The following TPRG1 variants were observed in gnomAD, a reference collection of about 807,000 sequenced individuals.
The protein encoded by TPRG1 is tumor protein p63 regulated 1.
In TPRG1, 29 loss-of-function variants were observed where a neutral mutation model predicts 29.3. The ratio of observed to expected loss-of-function variants is 0.99; its 90% CI spans 0.74 to 1.35. The LOEUF (loss-of-function observed/expected upper bound fraction) is 1.35. Among genes scored for constraint, TPRG1 ranks in the 40% most tolerant of loss-of-function variants. The probability of loss-of-function intolerance (pLI) is 0.00; values close to 1 mark genes in which losing one functional copy is unlikely to be tolerated. For missense variants in TPRG1, 327 were observed against 335.0 expected (o/e 0.98, Z 0.19); for synonymous variants, 130 against 116.8 (o/e 1.11, Z -0.73).
intron 4 of TPRG1, among the ~76,000 whole-genome samples, chr3:189,150,246 G>A (rs1323613293): frequency 2.6e-5 from 4 of 152,278 alleles, no homozygotes; most frequent in East Asian, 1.9e-4. Flanking sequence ...GCAGTGGCAC[G>A]ATCTTGGCTC....
At chr3:189,275,366 T>C (rs1049239822) in intron 4 of TPRG1, among the ~76,000 whole-genome samples, 1 of 152,162 alleles carries the variant, frequency 6.6e-6, no homozygotes, top group African/African-American at 2.4e-5. Flanking sequence ...CAAGTATATA[T>C]ACAGCTATAT....
At chr3:189,176,620 G>A (rs147563304) in intron 1 of TPRG1, among the ~76,000 whole-genome samples, 1 of 152,318 alleles carries the variant, frequency 6.6e-6, no homozygotes, top group East Asian at 1.9e-4. Flanking sequence ...GGTGCTTAGG[G>A]TGGAATGAGG....
chr3:189,084,184 C>A (rs1416466471), intron 4 of TPRG1, among the ~76,000 whole-genome samples: 1 of 151,816 alleles, frequency 6.6e-6, no homozygotes, highest in Admixed American at 6.6e-5. Context: ...ATGTACCATG[C>A]GTTGAAGACA....
chr3:189,229,103 A>T (rs1309741195), intron 3 of TPRG1, among the ~76,000 whole-genome samples: 1 of 152,264 alleles, frequency 6.6e-6, no homozygotes, highest in Non-Finnish European at 1.5e-5. Context: ...CACAATGCTG[A>T]TAAAAGAAAT....
At chr3:189,154,524 C>A (rs1375516387) in intron 5 of TPRG1, among the ~76,000 whole-genome samples, 1 of 151,650 alleles carries the variant, frequency 6.6e-6, no homozygotes, top group Non-Finnish European at 1.5e-5. Context: ...TCACTGCAAC[C>A]TCCACCTCCC....
intron 1 of TPRG1, among the ~76,000 whole-genome samples, chr3:189,185,297 C>T (rs758286900): frequency 1.3e-5 from 2 of 152,044 alleles, no homozygotes; most frequent in Admixed American, 6.5e-5. Context: ...AATCACGGCT[C>T]ACTGCAGCCT....
intron 1 of TPRG1, among the ~76,000 whole-genome samples, chr3:189,184,004 G>C (rs1310748333): frequency 2.0e-5 from 3 of 152,110 alleles, no homozygotes; most frequent in Non-Finnish European, 4.4e-5. Context: ...AGAGATTGCA[G>C]TAAAGACAGG....
At chr3:189,128,880 C>T (rs1722789255) in intron 2 of TPRG1, among the ~76,000 whole-genome samples, 1 of 152,200 alleles carries the variant, frequency 6.6e-6, no homozygotes, top group African/African-American at 2.4e-5. Flanking sequence ...AGCGATTCTT[C>T]TGCCTCAGCC....
At chr3:189,035,675 A>G (rs1383800969) in intron 4 of TPRG1, among the ~76,000 whole-genome samples, 1 of 152,134 alleles carries the variant, frequency 6.6e-6, no homozygotes, top group East Asian at 1.9e-4. Flanking sequence ...AATATATTAA[A>G]AAGTACATCA....
At chr3:189,131,390 T>C (rs767706155) in intron 2 of TPRG1, among the ~76,000 whole-genome samples, 39 of 152,198 alleles carry the variant, frequency 2.6e-4, no homozygotes, top group Non-Finnish European at 5.1e-4. Flanking sequence ...TGTTTATATA[T>C]ATATAGTTGT....
At chr3:189,145,164 C>T in intron 3 of TPRG1, among the ~76,000 whole-genome samples, 1 of 151,878 alleles carries the variant, frequency 6.6e-6, no homozygotes. Context: ...GAGATTGAGA[C>T]CATCCTGGCC....
At chr3:189,080,111 A>G (rs867159091) in intron 4 of TPRG1, among the ~76,000 whole-genome samples, 1 of 152,250 alleles carries the variant, frequency 6.6e-6, no homozygotes, top group Non-Finnish European at 1.5e-5. Flanking sequence ...GGCAATGGAC[A>G]AGACTGTAAG....
intron 4 of TPRG1, among the ~76,000 whole-genome samples, chr3:189,062,963 GAA>G (rs1223133984): frequency 1.3e-5 from 2 of 151,916 alleles, no homozygotes; most frequent in Non-Finnish European, 1.5e-5. Context: ...ATCAATCAAA[GAA>G]AGAGATTGGT....
In TPRG1 at chr3:189,019,954, G is replaced by A. The variant is rs540719809; in HGVS notation, c.-659-3796G>A. ...AGAGATTCAACTTCTTCCTGGTTTA[G>A]TCTTGGGAGTGTGTATGTGTCGAGG... On this transcript the variant is annotated intron_variant, in intron 3 of 10. Transcript: ENST00000433971. Among the ~76,000 whole-genome samples the A allele has an allele frequency of 4.5e-3, 686 of 151,548 alleles. 4 individuals are homozygous for A. The highest frequency in any genetic ancestry group is 0.027 in the Middle Eastern group (8 of 294).
intron 4 of TPRG1, among the ~76,000 whole-genome samples, chr3:189,254,837 G>T (rs567586218): frequency 6.6e-6 from 1 of 152,096 alleles, no homozygotes; most frequent in Non-Finnish European, 1.5e-5. Context: ...TATTATTGGC[G>T]TATAGGAATG....
chr3:189,067,215 G>A (rs2152148131), intron 4 of TPRG1, among the ~76,000 whole-genome samples: 1 of 152,174 alleles, frequency 6.6e-6, no homozygotes, highest in African/African-American at 2.4e-5. Flanking sequence ...ATGGATTGGA[G>A]GCATCAATAT....
chr3:189,210,972 A>T (rs956388607), intron 2 of TPRG1, among the ~76,000 whole-genome samples: 36 of 152,176 alleles, frequency 2.4e-4, no homozygotes, highest in African/African-American at 8.7e-4. Flanking sequence ...ATTGCACAGG[A>T]GGTGGTTTAT....
At chr3:189,194,842 G>T (rs923488682) in intron 1 of TPRG1, among the ~76,000 whole-genome samples, 1 of 152,156 alleles carries the variant, frequency 6.6e-6, no homozygotes, top group South Asian at 2.1e-4. Flanking sequence ...GAACGGTGGA[G>T]CATGGCTATT....
chr3:189,215,837 A>G (rs1323486899), intron 3 of TPRG1, among the ~76,000 whole-genome samples: 1 of 152,178 alleles, frequency 6.6e-6, no homozygotes, highest in African/African-American at 2.4e-5. Flanking sequence ...GAACAGAAAA[A>G]CCAGGGAAAT....
Sources: allele counts gnomAD v4.1 joint callset (sites outside exome capture counted in the v4.1 genomes callset), GRCh38; gene constraint gnomAD v4.1.1; transcripts MANE v1.5; gene names NCBI Gene and HGNC (gene_info 2026-07-23, HGNC 2026-07-21).